DYNC1I1: variants seen among roughly 807,000 people sequenced by gnomAD.
DYNC1I1 encodes cytoplasmic dynein 1 intermediate chain 1.
Under a neutral mutation model 86.6 loss-of-function variants are expected in DYNC1I1, and 43 were observed. The ratio of observed to expected loss-of-function variants is 0.50; its 90% CI spans 0.39 to 0.64. The LOEUF (loss-of-function observed/expected upper bound fraction) is 0.64. Among genes scored for constraint, DYNC1I1 ranks in the 30% least tolerant of loss-of-function variants. DYNC1I1 has a pLI of 0.00. For missense variants in DYNC1I1, 604 were observed against 788.8 expected, an observed-to-expected ratio of 0.77 and a Z score of 2.81; for synonymous variants, 262 against 283.7, an observed-to-expected ratio of 0.92 and a Z score of 0.77.
intron 10 of DYNC1I1, among the ~76,000 whole-genome samples, chr7:96,026,065 GA>G (rs1454421037): frequency 6.6e-6 from 1 of 152,076 alleles, no homozygotes; most frequent in African/African-American, 2.4e-5. Context: ...TGAAAGCTAA[GA>G]ATCATTTCTG....
chr7:96,008,071 A>T (rs1055765866), intron 10 of DYNC1I1, among the ~76,000 whole-genome samples: 3 of 152,210 alleles, frequency 2.0e-5, no homozygotes, highest in Non-Finnish European at 4.4e-5. Context: ...GGGTGGGATC[A>T]CAGGCAGCAG....
chr7:95,822,744 G>A (rs1414311678), intron 4 of DYNC1I1, among the ~76,000 whole-genome samples: 1 of 152,180 alleles, frequency 6.6e-6, no homozygotes, highest in Non-Finnish European at 1.5e-5. Flanking sequence ...AATCAGAGCA[G>A]CCAAATGCAA....
intron 6 of DYNC1I1, among the ~76,000 whole-genome samples, chr7:95,945,224 A>G (rs944214100): frequency 6.6e-6 from 1 of 152,022 alleles, no homozygotes; most frequent in African/African-American, 2.4e-5. Context: ...GGGGGAAAAA[A>G]GAAGTATTAC....
intron 15 of DYNC1I1, among the ~76,000 whole-genome samples, chr7:96,079,818 T>G (rs1790458365): frequency 6.6e-6 from 1 of 152,136 alleles, no homozygotes; most frequent in Non-Finnish European, 1.5e-5. Context: ...AAAATTTTTT[T>G]TATCTTTATG....
At chr7:95,848,072 A>G (rs1359668625) in intron 5 of DYNC1I1, among the ~76,000 whole-genome samples, 1 of 152,200 alleles carries the variant, frequency 6.6e-6, no homozygotes, top group Non-Finnish European at 1.5e-5. Context: ...GTAACTAAAT[A>G]TAGCTAATTA....
At chr7:95,814,932 A>C (rs1794913937) in intron 4 of DYNC1I1, among the ~76,000 whole-genome samples, 1 of 152,106 alleles carries the variant, frequency 6.6e-6, no homozygotes, top group Non-Finnish European at 1.5e-5. Context: ...ATAGCAACAC[A>C]GTTGTGTAAG....
chr7:95,851,031 A>AACTCCTGCGAT (rs747398508), intron 5 of DYNC1I1, among the ~76,000 whole-genome samples: 121 of 151,818 alleles, frequency 8.0e-4, no homozygotes, highest in Non-Finnish European at 1.4e-3. Context: ...TGCAACCTCA[A>AACTCCTGCGAT]CCTCCTGCGA....
At chr7:95,883,983 T>G (rs1488537929) in intron 6 of DYNC1I1, among the ~76,000 whole-genome samples, 1 of 152,210 alleles carries the variant, frequency 6.6e-6, no homozygotes, top group East Asian at 1.9e-4. Context: ...AATAAATTGT[T>G]CAATAAAACT....
intron 6 of DYNC1I1, among the ~76,000 whole-genome samples, chr7:95,944,422 G>C (rs1792334350): frequency 6.6e-6 from 1 of 152,226 alleles, no homozygotes; most frequent in African/African-American, 2.4e-5. Flanking sequence ...TTACACTGTT[G>C]ATGGGACTGT....
chr7:96,097,918 C>T lies in DYNC1I1; in HGVS notation c.*325C>T. ...CTCTGGTTAAATTTGTGCTTACATG[C>T]ACTCCTGGCATAGTCCTATTAAATC... On this transcript the variant is annotated 3_prime_UTR_variant, in exon 17 of 17. Coordinates refer to ENST00000447467, the MANE Select transcript of DYNC1I1 (RefSeq NM_001135556.2). 9.4e-7 allele frequency: 1 copy of T among 1,065,172 alleles called. No homozygotes were observed. The allele number at this position is 1,065,172 out of a possible 1,614,324, so 66.0% of individuals were successfully genotyped here.
chr7:95,960,163 G>A (rs319338), intron 6 of DYNC1I1, among the ~76,000 whole-genome samples: 123,500 of 152,126 alleles, frequency 0.81, 50,508 homozygotes, highest in East Asian at 0.92. Context: ...CTAGAGTGCA[G>A]TGGTGCTATT....
chr7:95,848,951 T>C (rs937516450), intron 5 of DYNC1I1, among the ~76,000 whole-genome samples: 1 of 152,052 alleles, frequency 6.6e-6, no homozygotes, highest in Non-Finnish European at 1.5e-5. Context: ...CTCATTGTAG[T>C]TTTTAATTTG....
chr7:95,938,884 A>T (rs1453942009), intron 6 of DYNC1I1, among the ~76,000 whole-genome samples: 2 of 152,018 alleles, frequency 1.3e-5, no homozygotes, highest in African/African-American at 4.8e-5. Flanking sequence ...ATTTTTTGTG[A>T]TGTTAGGGTG....
At chr7:96,074,210 C>T (rs1041804737) in intron 14 of DYNC1I1, among the ~76,000 whole-genome samples, 25 of 152,082 alleles carry the variant, frequency 1.6e-4, no homozygotes, top group Admixed American at 1.5e-3. Context: ...TCACTATATC[C>T]ACATAGTGGC....
chr7:95,899,888 T>C (rs1185613365), intron 6 of DYNC1I1, among the ~76,000 whole-genome samples: 2 of 152,210 alleles, frequency 1.3e-5, no homozygotes, highest in African/African-American at 4.8e-5. Flanking sequence ...TACCTCTGTA[T>C]GTATCTCTTT....
At chr7:95,975,400 G>T (rs1168686438) in intron 6 of DYNC1I1, among the ~76,000 whole-genome samples, 2 of 152,124 alleles carry the variant, frequency 1.3e-5, no homozygotes, top group Admixed American at 6.5e-5. Context: ...ACTTCCGGTG[G>T]TTTTCTGGCA....
chr7:95,924,207 A>G (rs1451329510), intron 6 of DYNC1I1, among the ~76,000 whole-genome samples: 1 of 152,150 alleles, frequency 6.6e-6, no homozygotes, highest in African/African-American at 2.4e-5. Flanking sequence ...TGTGTTTTGT[A>G]TCTCAAATTG....
At chr7:95,777,272 C>G (rs1343513083) in intron 1 of DYNC1I1, among the ~76,000 whole-genome samples, 3 of 152,158 alleles carry the variant, frequency 2.0e-5, no homozygotes, top group African/African-American at 4.8e-5. Flanking sequence ...TTTTGCTTCC[C>G]CCATCGCCAG....
chr7:95,947,938 A>C (rs1266874939), intron 6 of DYNC1I1, among the ~76,000 whole-genome samples: 1 of 150,518 alleles, frequency 6.6e-6, no homozygotes, highest in Non-Finnish European at 1.5e-5. Flanking sequence ...ATCTTTTCAA[A>C]CTTTTAATAA....
Sources: allele counts gnomAD v4.1 joint callset (sites outside exome capture counted in the v4.1 genomes callset), GRCh38; gene constraint gnomAD v4.1.1; transcripts MANE v1.5; gene names NCBI Gene and HGNC (gene_info 2026-07-23, HGNC 2026-07-21).